SLC37A1: variants seen among roughly 807,000 people sequenced by gnomAD.
SLC37A1 encodes the protein glucose-6-phosphate exchanger SLC37A1.
SLC37A1 carries 49 observed loss-of-function variants against 75.3 expected under a neutral mutation model. The observed-to-expected ratio is 0.65, with a 90% CI of 0.52 to 0.83. The LOEUF is 0.83. Ranked by LOEUF, SLC37A1 falls within the 40% of genes least tolerant of loss-of-function variation. The pLI, the probability that SLC37A1 is intolerant of heterozygous loss-of-function variation, is 0.00. For synonymous variants in SLC37A1, 268 were observed against 292.1 expected (o/e 0.92, Z 0.84); for missense variants, 566 against 695.0 (o/e 0.81, Z 2.09).
intron 3 of SLC37A1, among the ~76,000 whole-genome samples, chr21:42,533,677 G>T (rs909733177): frequency 2.0e-5 from 3 of 151,908 alleles, no homozygotes; most frequent in African/African-American, 7.3e-5. Context: ...CTCTGCCCAG[G>T]GTTTGTTTCA....
In SLC37A1 at chr21:42,559,096, A is replaced by G. The variant is rs1464392508; in HGVS notation, c.981+7A>G. ...AGGGGCCTTGAAAATTCCAGTAAGT[A>G]AACGTGCCCAGGAGGAGTTTCAGAA... On this transcript the variant is annotated splice_region_variant and intron_variant, in intron 11 of 19. Transcript: ENST00000352133. The G allele has an allele frequency of 6.2e-7, 1 of 1,609,760 alleles. No homozygotes were observed. Among genetic ancestry groups the G allele is most frequent in the Non-Finnish European group, 8.5e-7 (1 of 1,177,802 alleles).
At chr21:42,570,817 G>A (rs560973612) in intron 17 of SLC37A1, among the ~76,000 whole-genome samples, 1 of 152,326 alleles carries the variant, frequency 6.6e-6, no homozygotes, top group East Asian at 1.9e-4. Flanking sequence ...GTGAACAGAG[G>A]CCACTGCCCA....
At chr21:42,534,887 A>G (rs1175491440) in intron 4 of SLC37A1, 57 bp downstream of exon 4, 23 of 1,582,982 alleles carry the variant, frequency 1.5e-5, no homozygotes, top group Admixed American at 1.2e-4. Context: ...CAGCCTTGCT[A>G]TTAATCACTT....
intron 2 of SLC37A1, among the ~76,000 whole-genome samples, chr21:42,521,991 C>T (rs1051192053): frequency 8.5e-5 from 13 of 152,212 alleles, no homozygotes; most frequent in African/African-American, 3.1e-4. Flanking sequence ...GGGACAGACC[C>T]TTCCTTGCCT....
intron 14 of SLC37A1, among the ~76,000 whole-genome samples, chr21:42,565,177 C>T (rs756682110): frequency 6.6e-6 from 1 of 152,278 alleles, no homozygotes; most frequent in Non-Finnish European, 1.5e-5. Context: ...TAGCTCCTGA[C>T]CTTGGGCTGT....
At chr21:42,562,201 G>C (rs532569450) in intron 12 of SLC37A1, 33 bp downstream of exon 12, 1 of 1,583,590 alleles carries the variant, frequency 6.3e-7, no homozygotes, top group African/African-American at 1.3e-5. Flanking sequence ...ATTAAATTCC[G>C]CACAGTGACT....
At chr21:42,526,626 C>T (rs2054800722) in intron 3 of SLC37A1, among the ~76,000 whole-genome samples, 1 of 152,202 alleles carries the variant, frequency 6.6e-6, no homozygotes, top group Non-Finnish European at 1.5e-5. Flanking sequence ...TGGGTGGCTG[C>T]CCTCTGCAGC....
upstream of SLC37A1, among the ~76,000 whole-genome samples, chr21:42,512,300 G>A (rs73374144): frequency 5.9e-3 from 898 of 152,046 alleles, 9 homozygotes; most frequent in African/African-American, 0.02. Context: ...TTGTATTATC[G>A]CCTTTCAAGT....
chr21:42,503,880 G>A (rs992958746), intron 2 of SLC37A1, among the ~76,000 whole-genome samples: 1 of 152,162 alleles, frequency 6.6e-6, no homozygotes, highest in Admixed American at 6.5e-5. Context: ...CCCAGAGCTG[G>A]CTTTGTGCTA....
At chr21:42,523,371 G>A (rs965232737) in intron 2 of SLC37A1, among the ~76,000 whole-genome samples, 3 of 152,232 alleles carry the variant, frequency 2.0e-5, no homozygotes, top group African/African-American at 7.2e-5. Context: ...TCCAGCAGGT[G>A]GGGTGGAAGT....
chr21:42,532,087 G>A (rs1285917136), intron 3 of SLC37A1, among the ~76,000 whole-genome samples: 1 of 152,176 alleles, frequency 6.6e-6, no homozygotes, highest in Admixed American at 6.5e-5. Flanking sequence ...GGGAGTGTAA[G>A]TGATGTCACC....
At position 42,565,962 on chromosome 21, in the gene SLC37A1, C is replaced by T. The variant is rs141186729; in HGVS notation, c.1270+87C>T. On this transcript the variant is annotated intron_variant, in intron 15 of 19. Transcript: ENST00000352133. ...AAGATGAAATACTAAAATCAACAGG[C>T]GCATTGAGCTGGTTTAACTGGAGCA... 1,883 of 1,374,914 alleles carry T rather than the reference C, an allele frequency of 1.4e-3. 4 individuals are homozygous for T. The highest frequency in any genetic ancestry group is 1.8e-3 in the Middle Eastern group (10 of 5,606). The allele number at this position is 1,374,914 out of a possible 1,614,324, so 85.2% of individuals were successfully genotyped here. A position where few individuals can be genotyped will look rare whatever the true frequency, so the allele number is the denominator to read the frequency against.
intron 1 of SLC37A1, among the ~76,000 whole-genome samples, chr21:42,501,332 T>C (rs780329907): frequency 6.6e-6 from 1 of 152,176 alleles, no homozygotes; most frequent in Non-Finnish European, 1.5e-5. Flanking sequence ...GTCTTCTAGG[T>C]CGAGTACTAG....
At chr21:42,542,987 CA>C (rs2055320865) in intron 7 of SLC37A1, among the ~76,000 whole-genome samples, 1 of 152,262 alleles carries the variant, frequency 6.6e-6, no homozygotes, top group Admixed American at 6.5e-5. Flanking sequence ...TGGACGATCG[CA>C]AACAAGATGC....
rs73374202 is a variant in SLC37A1 at position 42,550,781 on chromosome 21, T to C, written c.769-3281T>C. ...AATACACAGCTGGCTTAACAGGTAATGTTAATGTAATACACCATTTGAATG... is the reference window on the plus strand; with the variant it reads ...AATACACAGCTGGCTTAACAGGTAACGTTAATGTAATACACCATTTGAATG... On this transcript the variant is annotated intron_variant, in intron 9 of 19. Coordinates refer to ENST00000352133, the MANE Select transcript of SLC37A1 (RefSeq NM_001320537.2). Among the ~76,000 whole-genome samples the C allele has an allele frequency of 7.4e-3, 1,128 of 152,348 alleles. 18 individuals are homozygous for C. The highest frequency in any genetic ancestry group is 0.026 in the African/African-American group (1,060 of 41,562).
At chr21:42,538,785 C>T (rs935450022) in intron 5 of SLC37A1, among the ~76,000 whole-genome samples, 2 of 152,188 alleles carry the variant, frequency 1.3e-5, no homozygotes, top group African/African-American at 2.4e-5. Context: ...CCACCCCCCT[C>T]GAGGCTGTTT....
At position 42,565,886 on chromosome 21, in the gene SLC37A1, A is replaced by T. The variant is rs1389595853; in HGVS notation, c.1270+11A>T. ...TTGAGGCCACCATCGGTGAGTATGG[A>T]GGCCTTCCTGCTTTTCTTCCACACA... On this transcript the variant is annotated intron_variant, in intron 15 of 19. Coordinates refer to ENST00000352133, the MANE Select transcript of SLC37A1 (RefSeq NM_001320537.2). 3 of 1,612,480 alleles carry T rather than the reference A, an allele frequency of 1.9e-6. No homozygotes were observed. Among genetic ancestry groups the T allele is most frequent in the African/African-American group, 1.3e-5 (1 of 74,978 alleles).
intron 9 of SLC37A1, among the ~76,000 whole-genome samples, chr21:42,551,688 T>G (rs1363267288): frequency 1.3e-5 from 2 of 152,230 alleles, no homozygotes; most frequent in Non-Finnish European, 2.9e-5. Context: ...GCTGATTGTC[T>G]TATAAATGAT....
At chr21:42,513,693 C>A (rs1397356851), upstream of SLC37A1, among the ~76,000 whole-genome samples, 1 of 149,022 alleles carries the variant, frequency 6.7e-6, no homozygotes, top group Admixed American at 6.7e-5. Context: ...CGCCCCCGCC[C>A]GGTGGCCCCG....
Sources: allele counts gnomAD v4.1 joint callset (sites outside exome capture counted in the v4.1 genomes callset), GRCh38; gene constraint gnomAD v4.1.1; transcripts MANE v1.5; gene names NCBI Gene and HGNC (gene_info 2026-07-23, HGNC 2026-07-21).